The following NPL variants were observed in gnomAD, a reference collection of about 807,000 sequenced individuals.
The protein encoded by NPL is N-acetylneuraminate lyase.
NPL carries 32 observed loss-of-function variants against 41.1 expected under a neutral mutation model. The observed-to-expected ratio is 0.78, with a 90% CI of 0.59 to 1.05. The LOEUF (loss-of-function observed/expected upper bound fraction) is 1.05, where lower values mean the gene tolerates loss of function less well. NPL is among the 50% of genes least tolerant of loss of function. The pLI is 0.00. For missense variants in NPL, 321 were observed against 378.4 expected, an observed-to-expected ratio of 0.85 and a Z score of 1.26; for synonymous variants, 128 against 134.9, an observed-to-expected ratio of 0.95 and a Z score of 0.35.
At chr1:182,811,657 T>A (rs1667179279) in intron 5 of NPL, among the ~76,000 whole-genome samples, 1 of 152,206 alleles carries the variant, frequency 6.6e-6, no homozygotes, top group African/African-American at 2.4e-5. Context: ...ATCTTTGTGA[T>A]CCTCTGCCTC....
At chr1:182,822,335 T>G in intron 11 of NPL, 136 bp downstream of exon 11, 1 of 710,172 alleles carries the variant, frequency 1.4e-6, no homozygotes, top group Non-Finnish European at 2.5e-6. Context: ...TTCTGTTTTG[T>G]ACTTTTTCTT....
intron 11 of NPL, among the ~76,000 whole-genome samples, chr1:182,823,824 G>A (rs1020076039): frequency 5.9e-5 from 9 of 152,172 alleles, no homozygotes; most frequent in African/African-American, 2.2e-4. Context: ...TCATCCCATT[G>A]AAAACAATGT....
rs912907913 is a variant in NPL, at chr1:182,828,202, G to A, written c.779-522G>A. ...AGCTTCTCACCATGCATAGATCTAA[G>A]GCTTCATTTTCCATTCCCATCCCAG... On this transcript the variant is annotated intron_variant, in intron 12 of 12. Coordinates refer to ENST00000367553, the MANE Select transcript of NPL (RefSeq NM_030769.3). This position sits in a 1 kb window ranked among gnomAD's most constrained non-coding sequence, Gnocchi z 4.0. Among the ~76,000 whole-genome samples, 7 of 152,120 alleles carry A rather than the reference G, an allele frequency of 4.6e-5. No individual in the cohort carries two copies. The highest frequency in any genetic ancestry group is 1.7e-4 in the African/African-American group (7 of 41,412).
chr1:182,792,582 C>A (rs1405869273), intron 2 of NPL, among the ~76,000 whole-genome samples: 1 of 152,164 alleles, frequency 6.6e-6, no homozygotes, highest in Non-Finnish European at 1.5e-5. Flanking sequence ...TGATTAGAGC[C>A]ACATCTTATG....
At chr1:182,821,461 T>C (rs1407917809) in intron 10 of NPL, among the ~76,000 whole-genome samples, 1 of 152,180 alleles carries the variant, frequency 6.6e-6, no homozygotes, top group Non-Finnish European at 1.5e-5. Flanking sequence ...GAAGACAACA[T>C]GAAGCAATGG....
chr1:182,820,371 A>T (rs1049777758), intron 10 of NPL, among the ~76,000 whole-genome samples: 26 of 152,204 alleles, frequency 1.7e-4, no homozygotes, highest in African/African-American at 6.0e-4. Context: ...GGCTGTGAGG[A>T]AGAGTGACTG....
At chr1:182,808,773 A>G (rs1667093183) in intron 5 of NPL, among the ~76,000 whole-genome samples, 1 of 152,014 alleles carries the variant, frequency 6.6e-6, no homozygotes, top group South Asian at 2.1e-4. Context: ...TGGACAACAT[A>G]CAGAGACCCT....
At position 182,822,201 on chromosome 1, in the gene NPL, T is replaced by C; in HGVS notation, c.738+2T>C. Reference sequence around the variant, plus strand: ...TTCTCTTTAGCCCTGAACTATCAGGTAAACGTTTTCTTCTCTTCCCATAAA... The same window carrying C: ...TTCTCTTTAGCCCTGAACTATCAGGCAAACGTTTTCTTCTCTTCCCATAAA... On this transcript the variant is annotated splice_donor_variant, in intron 11 of 12. Transcript: ENST00000367553. LOFTEE classifies it high-confidence loss of function. 6.3e-7 allele frequency: 1 copy of C among 1,596,924 alleles called. No individual in the cohort carries two copies. Among genetic ancestry groups the C allele is most frequent in the Non-Finnish European group, 8.6e-7 (1 of 1,164,332 alleles).
intron 3 of NPL, among the ~76,000 whole-genome samples, chr1:182,802,232 G>T (rs562341332): frequency 3.0e-4 from 45 of 152,300 alleles, no homozygotes; most frequent in South Asian, 2.3e-3. Context: ...CATAATGAGG[G>T]AGTTCGCTCC....
intron 2 of NPL, among the ~76,000 whole-genome samples, chr1:182,793,123 T>A (rs1410555790): frequency 6.6e-6 from 1 of 152,160 alleles, no homozygotes; most frequent in Non-Finnish European, 1.5e-5. Context: ...TATATTTTAT[T>A]TTCATTTTCA....
intron 5 of NPL, among the ~76,000 whole-genome samples, chr1:182,809,564 A>C (rs1667119749): frequency 6.6e-6 from 1 of 151,152 alleles, no homozygotes; most frequent in South Asian, 2.1e-4. Context: ...AAAAGTTGAG[A>C]AGCTAGGAGG....
chr1:182,794,309 T>C, intron 2 of NPL, 47 bp from the exon 3 acceptor site: 2 of 1,511,634 alleles, frequency 1.3e-6, no homozygotes, highest in Non-Finnish European at 1.8e-6. Flanking sequence ...AGTTTTATCA[T>C]TGACATTCCT....
intron 4 of NPL, among the ~76,000 whole-genome samples, chr1:182,804,745 A>C (rs1263624678): frequency 6.6e-6 from 1 of 152,170 alleles, no homozygotes; most frequent in African/African-American, 2.4e-5. Context: ...AGCCAGAGGT[A>C]CCTGGTAATA....
At chr1:182,819,149 A>G (rs1165052527) in intron 10 of NPL, among the ~76,000 whole-genome samples, 2 of 152,128 alleles carry the variant, frequency 1.3e-5, no homozygotes, top group East Asian at 1.9e-4. Flanking sequence ...GTGAAACCCC[A>G]TCTCTACTAA....
chr1:182,814,148 G>A (rs1667258882), intron 6 of NPL, among the ~76,000 whole-genome samples: 1 of 152,194 alleles, frequency 6.6e-6, no homozygotes, highest in Non-Finnish European at 1.5e-5. Context: ...CAAGATCTGA[G>A]CCCTGCCCTG....
chr1:182,792,064 G>A (rs962039398), intron 1 of NPL, among the ~76,000 whole-genome samples, 168 bp from the exon 2 acceptor site: 4 of 152,180 alleles, frequency 2.6e-5, no homozygotes, highest in Admixed American at 1.3e-4. Flanking sequence ...GCTGGTAAGG[G>A]CATGATAGTA....
intron 5 of NPL, among the ~76,000 whole-genome samples, chr1:182,811,341 A>G (rs1427888107): frequency 6.6e-6 from 1 of 151,884 alleles, no homozygotes; most frequent in Admixed American, 6.6e-5. Context: ...CTATTCTCCC[A>G]TCTCAGCCCC....
chr1:182,814,976 C>T (rs1667283525), intron 7 of NPL, 118 bp downstream of exon 7: 3 of 785,064 alleles, frequency 3.8e-6, no homozygotes, highest in South Asian at 3.0e-5. Flanking sequence ...GGCTTGAAGT[C>T]GCAATGGTAC....
At chr1:182,798,886 C>T (rs761615226) in intron 3 of NPL, among the ~76,000 whole-genome samples, 50 of 152,182 alleles carry the variant, frequency 3.3e-4, no homozygotes, top group Middle Eastern at 3.2e-3. Flanking sequence ...TTTAAAATAA[C>T]CAGTGGCTGT....
Sources: allele counts gnomAD v4.1 joint callset (sites outside exome capture counted in the v4.1 genomes callset), GRCh38; gene constraint gnomAD v4.1.1; non-coding constraint Gnocchi (gnomAD v3.1); transcripts MANE v1.5; gene names NCBI Gene and HGNC (gene_info 2026-07-23, HGNC 2026-07-21).